Variants in SLC4A4 observed in about 807,000 individuals in gnomAD.
SLC4A4 encodes the protein electrogenic sodium bicarbonate cotransporter 1.
In SLC4A4, 27 loss-of-function variants were observed where a neutral mutation model predicts 111.5. The observed-to-expected ratio is 0.24, with a 90% CI of 0.18 to 0.33. The LOEUF is 0.33. Ranked by LOEUF, SLC4A4 falls within the 10% of genes least tolerant of loss-of-function variation. The pLI, the probability that SLC4A4 is intolerant of heterozygous loss-of-function variation, is 1.00. For missense variants in SLC4A4, 909 were observed against 1,315.5 expected (o/e 0.69, Z 4.78); for synonymous variants, 443 against 463.4 (o/e 0.96, Z 0.57).
At chr4:71,259,506 G>A (rs1294280625) in intron 3 of SLC4A4, among the ~76,000 whole-genome samples, 1 of 151,868 alleles carries the variant, frequency 6.6e-6, no homozygotes, top group African/African-American at 2.4e-5. Context: ...AGAGAAGCTG[G>A]GGAAGGAAAG....
At chr4:71,499,861 C>G (rs751211268) in intron 16 of SLC4A4, among the ~76,000 whole-genome samples, 2 of 152,084 alleles carry the variant, frequency 1.3e-5, no homozygotes, top group Non-Finnish European at 2.9e-5. Flanking sequence ...ATATCTTGGC[C>G]ATTGCGAATA....
intron 20 of SLC4A4, among the ~76,000 whole-genome samples, chr4:71,551,479 A>T (rs1735990413): frequency 6.6e-6 from 1 of 151,858 alleles, no homozygotes; most frequent in Non-Finnish European, 1.5e-5. Flanking sequence ...GGCTCAACAC[A>T]GATTTTTAAA....
intron 9 of SLC4A4, among the ~76,000 whole-genome samples, chr4:71,449,956 AC>A (rs1370181460): frequency 6.6e-6 from 1 of 152,154 alleles, no homozygotes; most frequent in Non-Finnish European, 1.5e-5. Flanking sequence ...TTGGGTCTTA[AC>A]CCGATCTTAA....
chr4:71,161,935 C>A (rs182846762), intron 2 of SLC4A4, among the ~76,000 whole-genome samples: 3 of 152,254 alleles, frequency 2.0e-5, no homozygotes, highest in East Asian at 3.9e-4. Context: ...CTAATTCTGA[C>A]CATACTCCTA....
intron 1 of SLC4A4, among the ~76,000 whole-genome samples, chr4:71,080,580 T>C (rs1741967178): frequency 6.6e-6 from 1 of 152,122 alleles, no homozygotes; most frequent in Admixed American, 6.5e-5. Flanking sequence ...GTTTTCCCCA[T>C]CCCTGCCTTT....
intron 13 of SLC4A4, 82 bp downstream of exon 13, chr4:71,466,659 A>C: frequency 7.2e-7 from 1 of 1,388,342 alleles, no homozygotes; most frequent in Non-Finnish European, 1.0e-6. Context: ...TAGAATAGTG[A>C]TTAGGCAGAT....
intron 16 of SLC4A4, among the ~76,000 whole-genome samples, chr4:71,512,493 T>G (rs1732021720): frequency 6.6e-6 from 1 of 152,206 alleles, no homozygotes; most frequent in African/African-American, 2.4e-5. Flanking sequence ...TGGAATTATT[T>G]GTTTTTCTTT....
intron 20 of SLC4A4, among the ~76,000 whole-genome samples, chr4:71,554,870 A>G (rs1230520825): frequency 6.6e-6 from 1 of 151,478 alleles, no homozygotes; most frequent in Non-Finnish European, 1.5e-5. Flanking sequence ...TCCATTAATT[A>G]AAAAAAAGTT....
At chr4:71,068,859 T>G (rs555195164) in intron 1 of SLC4A4, among the ~76,000 whole-genome samples, 5 of 152,310 alleles carry the variant, frequency 3.3e-5, no homozygotes, top group African/African-American at 1.2e-4. Context: ...GTGCCATTAC[T>G]TAACATGGGA....
At chr4:71,226,447 C>A (rs1475289378) in intron 1 of SLC4A4, among the ~76,000 whole-genome samples, 1 of 152,090 alleles carries the variant, frequency 6.6e-6, no homozygotes. Flanking sequence ...TTTTAGCAGA[C>A]AAGGGGAAAT....
rs553690005 is a variant in SLC4A4, at chr4:71,120,096, C to T, written c.-2+27304C>T. Among the ~76,000 whole-genome samples, 10 of 152,068 alleles carry T rather than the reference C, an allele frequency of 6.6e-5. No individual in the cohort carries two copies. The South Asian group carries it at 1.5e-3, about 22-fold the overall frequency. Reference sequence around the variant, plus strand: ...ATATTGGAAGGTTTTGAACTCGGTTCTTATGCTTGTGGTTTCTACTGTTTC... The same window carrying T: ...ATATTGGAAGGTTTTGAACTCGGTTTTTATGCTTGTGGTTTCTACTGTTTC... On this transcript the variant is annotated intron_variant, in intron 2 of 26. Transcript: ENST00000649996.
intron 2 of SLC4A4, among the ~76,000 whole-genome samples, chr4:71,254,255 A>T (rs549446263): frequency 4.7e-4 from 72 of 152,330 alleles, no homozygotes; most frequent in African/African-American, 1.6e-3. Context: ...GTTATGCTGT[A>T]TTTAAAGTGA....
At chr4:71,482,617 T>G (rs973513197) in intron 14 of SLC4A4, among the ~76,000 whole-genome samples, 1 of 151,596 alleles carries the variant, frequency 6.6e-6, no homozygotes, top group East Asian at 1.9e-4. Context: ...CAAACTCTCG[T>G]GACAGGAAGC....
chr4:71,147,514 C>T (rs1370191703), intron 2 of SLC4A4, among the ~76,000 whole-genome samples: 4 of 152,072 alleles, frequency 2.6e-5, no homozygotes, highest in Non-Finnish European at 5.9e-5. Context: ...TGCACTTCTC[C>T]CCTGGATGAA....
intron 7 of SLC4A4, among the ~76,000 whole-genome samples, chr4:71,440,235 T>A (rs1724592891): frequency 6.6e-6 from 1 of 152,164 alleles, no homozygotes. Context: ...AAAGAGGGCA[T>A]GTAATTAATC....
At chr4:71,160,441 A>G (rs1744590983) in intron 2 of SLC4A4, among the ~76,000 whole-genome samples, 1 of 152,024 alleles carries the variant, frequency 6.6e-6, no homozygotes, top group Non-Finnish European at 1.5e-5. Context: ...TCTATTATAC[A>G]TTGAGCTATT....
At chr4:71,121,582 T>C (rs1222299104) in intron 2 of SLC4A4, among the ~76,000 whole-genome samples, 1 of 152,176 alleles carries the variant, frequency 6.6e-6, no homozygotes, top group African/African-American at 2.4e-5. Flanking sequence ...GGAGAACTTT[T>C]ATGTCTAGCT....
Position 71,388,734 on chromosome 4 carries a change from A to T in SLC4A4, c.731-8843A>T, listed in dbSNP as rs191616336. Reference sequence around the variant, plus strand: ...CAGCTAACTTTTAAAAAATTTTTATAGAGATGAGCCCTCACTGTGTTGCTC... The same window carrying T: ...CAGCTAACTTTTAAAAAATTTTTATTGAGATGAGCCCTCACTGTGTTGCTC... On this transcript the variant is annotated intron_variant, in intron 6 of 25. Coordinates refer to ENST00000264485, the MANE Select transcript of SLC4A4 (RefSeq NM_001098484.3). Among the ~76,000 whole-genome samples, 129 of 152,250 alleles carry T rather than the reference A, an allele frequency of 8.5e-4. 1 individual carries two copies. The highest frequency in any genetic ancestry group is 3.9e-3 in the Admixed American group (59 of 15,286).
At chr4:71,134,965 G>T (rs1275708842) in intron 2 of SLC4A4, among the ~76,000 whole-genome samples, 1 of 152,162 alleles carries the variant, frequency 6.6e-6, no homozygotes, top group African/African-American at 2.4e-5. Context: ...TCCTGAGGGG[G>T]ATGGCATTTG....
Sources: gnomAD v4.1 joint callset for allele counts (sites outside exome capture counted in the v4.1 genomes callset) on GRCh38, gnomAD v4.1.1 for gene constraint, MANE v1.5 for transcripts, NCBI Gene and HGNC (gene_info 2026-07-23, HGNC 2026-07-21) for gene names.